CSMD1: variants seen among roughly 807,000 people sequenced by gnomAD.
CSMD1 encodes CUB and Sushi multiple domains 1.
In CSMD1, 213 loss-of-function variants were observed where a neutral mutation model predicts 417.5. That is an observed-to-expected ratio of 0.51 (90% CI 0.46 to 0.57). The LOEUF (loss-of-function observed/expected upper bound fraction) is 0.57. Ranked by LOEUF, CSMD1 falls within the 20% of genes least tolerant of loss-of-function variation. The pLI is 0.00. For synonymous variants in CSMD1, 2,862 were observed against 1,736.8 expected, an observed-to-expected ratio of 1.65 and a Z score of -16.11; for missense variants, 6,923 against 4,529.7, an observed-to-expected ratio of 1.53 and a Z score of -15.17.
chr8:3,506,896 T>G (rs1796850133), intron 10 of CSMD1, among the ~76,000 whole-genome samples: 1 of 152,196 alleles, frequency 6.6e-6, no homozygotes, highest in Non-Finnish European at 1.5e-5. Context: ...GTCGGATAAT[T>G]TGAAAATAAA....
In CSMD1 at chr8:4,868,233, G is replaced by A. The variant is rs531905972; in HGVS notation, c.85+126099C>T. On this transcript the variant is annotated intron_variant, in intron 1 of 69. Coordinates refer to ENST00000635120, the MANE Select transcript of CSMD1 (RefSeq NM_033225.6). ...TACTCTGTATGTTATTTTATTAGTC[G>A]TATTATTTTCTTTCCTTTAAGACAG... Among the ~76,000 whole-genome samples the A allele has an allele frequency of 2.6e-4, 40 of 152,106 alleles. No homozygotes were observed. In the South Asian group the frequency reaches 6.8e-3, roughly 26 times the overall value.
intron 5 of CSMD1, among the ~76,000 whole-genome samples, chr8:3,826,117 C>T (rs921867537): frequency 1.3e-5 from 2 of 152,042 alleles, no homozygotes; most frequent in African/African-American, 2.4e-5. Flanking sequence ...ATAAACCGGC[C>T]GTCAGCAGGG....
At chr8:3,462,553 G>C (rs1312522417) in intron 12 of CSMD1, among the ~76,000 whole-genome samples, 2 of 152,192 alleles carry the variant, frequency 1.3e-5, no homozygotes, top group African/African-American at 2.4e-5. Flanking sequence ...CTGATGATCT[G>C]TCACTGTCTC....
chr8:4,725,154 A>G (rs1563226432), intron 1 of CSMD1, among the ~76,000 whole-genome samples: 1 of 152,198 alleles, frequency 6.6e-6, no homozygotes, highest in Non-Finnish European at 1.5e-5. Flanking sequence ...TGTACCTTTT[A>G]TAAAGAATAC....
intron 5 of CSMD1, among the ~76,000 whole-genome samples, chr8:3,967,273 T>A (rs771707936): frequency 6.6e-6 from 1 of 151,928 alleles, no homozygotes; most frequent in Non-Finnish European, 1.5e-5. Context: ...ATTCTCTCTC[T>A]ATACTGTTCT....
rs761896518 is a variant in CSMD1 at position 4,479,738 on chromosome 8, AC to A, written c.303-59674del. On this transcript the variant is annotated intron_variant, in intron 2 of 69. Coordinates refer to ENST00000635120, the MANE Select transcript of CSMD1 (RefSeq NM_033225.6). ...GTGAAACCCCGTCTCTACTAAAAAT[AC>A]AAAAATTAGCTTCCTTAGAAGCTAA... Among the ~76,000 whole-genome samples, 3 of 152,206 alleles carry A rather than the reference AC, an allele frequency of 2.0e-5. No homozygotes were observed. In the East Asian group the frequency reaches 5.8e-4, roughly 30 times the overall value.
intron 2 of CSMD1, among the ~76,000 whole-genome samples, chr8:4,576,992 C>A (rs919927007): frequency 3.9e-5 from 6 of 152,158 alleles, no homozygotes; most frequent in Admixed American, 3.9e-4. Context: ...CAGTGTGATT[C>A]TATCTCCATG....
chr8:4,668,261 C>A (rs1017367755), intron 1 of CSMD1, among the ~76,000 whole-genome samples: 8 of 151,912 alleles, frequency 5.3e-5, no homozygotes, highest in Non-Finnish European at 1.2e-4. Context: ...ACCACAAACC[C>A]AAATCTCATC....
chr8:4,332,079 C>T (rs920188454), intron 3 of CSMD1, among the ~76,000 whole-genome samples: 7 of 152,088 alleles, frequency 4.6e-5, no homozygotes, highest in African/African-American at 1.7e-4. Flanking sequence ...TCCACTGAAT[C>T]ATCTATTTTT....
At chr8:3,888,938 G>A (rs1806754662) in intron 5 of CSMD1, among the ~76,000 whole-genome samples, 3 of 152,132 alleles carry the variant, frequency 2.0e-5, no homozygotes, top group Non-Finnish European at 4.4e-5. Context: ...TTAGGTTTAT[G>A]TGAAGATTTT....
intron 5 of CSMD1, among the ~76,000 whole-genome samples, chr8:3,989,506 AAT>A (rs2130267953): frequency 6.6e-6 from 1 of 152,326 alleles, no homozygotes; most frequent in East Asian, 1.9e-4. Flanking sequence ...GCCAACTAAT[AAT>A]ACTCCACAGG....
intron 1 of CSMD1, among the ~76,000 whole-genome samples, chr8:4,743,294 C>T (rs529599860): frequency 6.6e-6 from 1 of 152,176 alleles, no homozygotes; most frequent in African/African-American, 2.4e-5. Context: ...AAGAAATATC[C>T]TCAGGTCAGT....
intron 3 of CSMD1, among the ~76,000 whole-genome samples, chr8:4,063,180 G>A (rs1311984045): frequency 6.6e-6 from 1 of 152,106 alleles, no homozygotes; most frequent in East Asian, 1.9e-4. Context: ...TGACAGTAAT[G>A]GATATCATAA....
intron 5 of CSMD1, among the ~76,000 whole-genome samples, chr8:3,859,771 T>C (rs552995727): frequency 1.2e-4 from 18 of 152,266 alleles, no homozygotes; most frequent in African/African-American, 4.3e-4. Flanking sequence ...TGAATACTGC[T>C]GCATACTTAT....
At chr8:4,191,195 G>C (rs1383665352) in intron 3 of CSMD1, among the ~76,000 whole-genome samples, 3 of 152,180 alleles carry the variant, frequency 2.0e-5, no homozygotes, top group Non-Finnish European at 4.4e-5. Flanking sequence ...AGGAGATTGA[G>C]ACCATCCCGG....
intron 2 of CSMD1, among the ~76,000 whole-genome samples, chr8:4,516,243 G>A (rs565270626): frequency 3.9e-5 from 6 of 152,244 alleles, no homozygotes; most frequent in African/African-American, 1.2e-4. Flanking sequence ...CCAGAGAGAA[G>A]GGGCCTTCTG....
chr8:4,384,393 T>A (rs1803307511), intron 3 of CSMD1, among the ~76,000 whole-genome samples: 1 of 152,186 alleles, frequency 6.6e-6, no homozygotes, highest in Non-Finnish European at 1.5e-5. Context: ...AAATATTAAA[T>A]ACTTTTGGAA....
intron 2 of CSMD1, among the ~76,000 whole-genome samples, chr8:4,469,743 G>T (rs748986720): frequency 6.6e-6 from 1 of 152,094 alleles, no homozygotes; most frequent in African/African-American, 2.4e-5. Context: ...CTGCACAGGA[G>T]GCAATGGAAG....
chr8:3,189,887 G>T lies in CSMD1; in HGVS notation c.5398+25C>A, dbSNP rs528407977. The T allele has an allele frequency of 2.6e-6, 4 of 1,546,720 alleles. No individual in the cohort carries two copies. In the Admixed American group the frequency reaches 5.8e-5, roughly 22 times the overall value. On this transcript the variant is annotated intron_variant, in intron 34 of 69. Coordinates refer to ENST00000635120, the MANE Select transcript of CSMD1 (RefSeq NM_033225.6). Reference sequence around the variant, plus strand: ...TGGCACCACCACAGAGTTCTGGCGGGCAGCCGCTTAGGGACACTGCTCACC... The same window carrying T: ...TGGCACCACCACAGAGTTCTGGCGGTCAGCCGCTTAGGGACACTGCTCACC...
Sources: gnomAD v4.1 joint callset for allele counts (sites outside exome capture counted in the v4.1 genomes callset) on GRCh38, gnomAD v4.1.1 for gene constraint, MANE v1.5 for transcripts, NCBI Gene and HGNC (gene_info 2026-07-23, HGNC 2026-07-21) for gene names.